CELF2: variants seen among roughly 807,000 people sequenced by gnomAD.
CELF2 encodes the protein CUG triplet repeat RNA-binding protein 2.
Under a neutral mutation model 62.6 loss-of-function variants are expected in CELF2, and 8 were observed. The ratio of observed to expected loss-of-function variants is 0.13; its 90% confidence interval spans 0.07 to 0.23. The LOEUF is 0.23. Ranked by LOEUF, CELF2 falls within the 10% of genes least tolerant of loss-of-function variation. The pLI, the probability that CELF2 is intolerant of heterozygous loss-of-function variation, is 1.00. For synonymous variants in CELF2, 258 were observed against 250.0 expected, an observed-to-expected ratio of 1.03 and a Z score of -0.30; for missense variants, 333 against 671.0, an observed-to-expected ratio of 0.50 and a Z score of 5.56.
At chr10:10,660,669 C>T in the CELF2 span, among the ~76,000 whole-genome samples, 1 of 152,180 alleles carries the variant, frequency 6.6e-6, no homozygotes, top group Non-Finnish European at 1.5e-5. Context: ...GCCTCTAATT[C>T]AGTACCTGCA....
At chr10:10,463,034 CT>C in the CELF2 span, among the ~76,000 whole-genome samples, 1 of 151,754 alleles carries the variant, frequency 6.6e-6, no homozygotes, top group African/African-American at 2.4e-5. Context: ...AATGATGAAA[CT>C]TTTTTTTAAG....
the CELF2 span, among the ~76,000 whole-genome samples, chr10:10,696,331 G>T: frequency 6.6e-6 from 1 of 151,766 alleles, no homozygotes. Context: ...CAGGGGTCAG[G>T]GACCCACTTG....
At chr10:11,100,789 T>C (rs531002243) in intron 1 of CELF2, among the ~76,000 whole-genome samples, 24 of 152,250 alleles carry the variant, frequency 1.6e-4, no homozygotes, top group East Asian at 9.6e-4. Context: ...ACCTTGGAGA[T>C]AGGAAAAGCA....
At chr10:10,968,154 T>C (rs1174360885) in intron 2 of CELF2, among the ~76,000 whole-genome samples, 1 of 151,944 alleles carries the variant, frequency 6.6e-6, no homozygotes, top group Admixed American at 6.6e-5. Context: ...GCCACCAGAG[T>C]TGATAAGGGA....
chr10:11,069,030 T>G (rs1362545542), intron 1 of CELF2, among the ~76,000 whole-genome samples: 7 of 152,198 alleles, frequency 4.6e-5, no homozygotes, highest in African/African-American at 1.7e-4. Flanking sequence ...TCCATGCTTA[T>G]CAATTATTCC....
chr10:10,759,041 A>G, the CELF2 span, among the ~76,000 whole-genome samples: 1 of 152,232 alleles, frequency 6.6e-6, no homozygotes, highest in Admixed American at 6.5e-5. Flanking sequence ...CTTCATTGGC[A>G]CAGATCCTTG....
At chr10:11,015,475 A>C (rs1025173323), upstream of CELF2, among the ~76,000 whole-genome samples, 18 of 152,208 alleles carry the variant, frequency 1.2e-4, no homozygotes, top group African/African-American at 4.3e-4. This position sits in a 1 kb window ranked among gnomAD's most constrained non-coding sequence, Gnocchi z 4.8. Flanking sequence ...GTGCCTATGC[A>C]ATCACTACAT....
chr10:11,228,730 A>C (rs1477998368), intron 3 of CELF2, among the ~76,000 whole-genome samples: 188 of 7,812 alleles, frequency 0.024, 4 homozygotes, highest in African/African-American at 0.034. Context: ...AAAAAAAAAA[A>C]AAAAAAAAAA....
intron 1 of CELF2, among the ~76,000 whole-genome samples, chr10:10,859,917 T>C (rs1349606851): frequency 6.6e-6 from 1 of 152,156 alleles, no homozygotes; most frequent in African/African-American, 2.4e-5. Flanking sequence ...TTCTTTTACA[T>C]TTTTTAAAAA....
chr10:10,642,658 G>A, the CELF2 span, among the ~76,000 whole-genome samples: 3 of 152,324 alleles, frequency 2.0e-5, no homozygotes, highest in Middle Eastern at 3.4e-3. Context: ...AAATATGGAG[G>A]AATTTTGGAG....
the CELF2 span, among the ~76,000 whole-genome samples, chr10:10,724,263 T>C: frequency 6.6e-6 from 1 of 152,232 alleles, no homozygotes; most frequent in Non-Finnish European, 1.5e-5. Context: ...ATTCATTTCA[T>C]GTCCCTTGGT....
the CELF2 span, among the ~76,000 whole-genome samples, chr10:10,784,140 C>A: frequency 6.6e-6 from 1 of 152,282 alleles, no homozygotes; most frequent in African/African-American, 2.4e-5. Flanking sequence ...TTCCCTGAAC[C>A]CCCTTGCAGG....
intron 1 of CELF2, among the ~76,000 whole-genome samples, chr10:11,148,873 CAA>C (rs1491154189): frequency 1.3e-5 from 2 of 149,280 alleles, no homozygotes; most frequent in Admixed American, 6.8e-5. Context: ...CACACACACA[CAA>C]AGCAAGCCCA....
At chr10:10,622,369 G>A in the CELF2 span, among the ~76,000 whole-genome samples, 1 of 152,138 alleles carries the variant, frequency 6.6e-6, no homozygotes, top group African/African-American at 2.4e-5. Flanking sequence ...AGAACTTTCG[G>A]AGGCCAAGAT....
chr10:10,991,606 CT>C (rs1701215209), intron 2 of CELF2, among the ~76,000 whole-genome samples: 1 of 152,168 alleles, frequency 6.6e-6, no homozygotes, highest in African/African-American at 2.4e-5. Flanking sequence ...AGTTTTACTT[CT>C]CAGTAATTTT....
the CELF2 span, among the ~76,000 whole-genome samples, chr10:10,659,900 C>T: frequency 6.6e-6 from 1 of 152,176 alleles, no homozygotes. Context: ...ATCCAGATGC[C>T]CTCAAGGTGA....
At chr10:10,496,842 A>G in the CELF2 span, among the ~76,000 whole-genome samples, 1 of 152,112 alleles carries the variant, frequency 6.6e-6, no homozygotes, top group Non-Finnish European at 1.5e-5. Flanking sequence ...GAGGGTCAAT[A>G]ATGAAGGGAA....
the CELF2 span, among the ~76,000 whole-genome samples, chr10:10,639,673 A>G: frequency 1.3e-5 from 2 of 152,230 alleles, no homozygotes; most frequent in African/African-American, 4.8e-5. Flanking sequence ...TCAATATCTA[A>G]TAATGTCTTT....
chr10:11,197,025 A>AAAGTAAGAAAGAAAGAAAGAAAG (rs1554936315), intron 2 of CELF2, among the ~76,000 whole-genome samples: 1 of 26,048 alleles, frequency 3.8e-5, no homozygotes, highest in Non-Finnish European at 8.3e-5. Flanking sequence ...AGAAAGAAAG[A>AAAGTAAGAAAGAAAGAAAGAAAG]AAAGAAAGAA....
Sources: gnomAD v4.1 joint callset for allele counts (sites outside exome capture counted in the v4.1 genomes callset) on GRCh38, gnomAD v4.1.1 for gene constraint, Gnocchi (gnomAD v3.1) non-coding constraint, MANE v1.5 for transcripts, NCBI Gene and HGNC (gene_info 2026-07-23, HGNC 2026-07-21) for gene names.